The following WWOX variants were observed in gnomAD, a reference collection of about 807,000 sequenced individuals.
The protein encoded by WWOX is WW domain containing oxidoreductase.
Under a neutral mutation model 46.2 loss-of-function variants are expected in WWOX, and 69 were observed. The ratio of observed to expected loss-of-function variants is 1.49; its 90% confidence interval spans 1.23 to 1.82. The LOEUF is 1.82. Among genes scored for constraint, WWOX ranks in the 40% most tolerant of loss-of-function variants. WWOX has a pLI of 0.00. For synonymous variants in WWOX, 359 were observed against 202.6 expected (o/e 1.77, Z -6.56); for missense variants, 919 against 542.6 (o/e 1.69, Z -6.89).
rs1462532901 is a variant in WWOX, at chr16:78,374,625, T to C, written c.517-12235T>C. The stretch of plus-strand genomic sequence containing the variant: ...GTGCAGTGGCGCGATCTTGGCTCAC[T>C]GCAAGCTCCGCCTCCTCGGTTCATG... On this transcript the variant is annotated intron_variant, in intron 5 of 8. Transcript: ENST00000566780. Among the ~76,000 whole-genome samples, 5 of 144,444 alleles carry C rather than the reference T, an allele frequency of 3.5e-5. No homozygotes were observed. The East Asian group carries it at 1.1e-3, about 31-fold the overall frequency. 94.8% of individuals were successfully genotyped at this position (144,444 alleles called of 152,430 possible).
intron 8 of WWOX, among the ~76,000 whole-genome samples, chr16:78,821,586 T>C (rs1255424460): frequency 6.6e-6 from 1 of 152,216 alleles, no homozygotes; most frequent in African/African-American, 2.4e-5. Flanking sequence ...AGATGACCTG[T>C]GGTATTTTTA....
In WWOX at chr16:79,148,130, A is replaced by C. The variant is rs1013319260; in HGVS notation, c.1057-63478A>C. On this transcript the variant is annotated intron_variant, in intron 8 of 8. Coordinates refer to ENST00000566780, the MANE Select transcript of WWOX (RefSeq NM_016373.4). Reference sequence around the variant, plus strand: ...TTCATCAACTGAGCTTTTGTTGCCAAATCTAATAATTCTTTGGGTAACCAT... The same window carrying C: ...TTCATCAACTGAGCTTTTGTTGCCACATCTAATAATTCTTTGGGTAACCAT... 2.0e-5 allele frequency among the ~76,000 whole-genome samples: 3 copies of C among 152,318 alleles called. No homozygotes were observed. In the East Asian group the frequency reaches 5.8e-4, roughly 29 times the overall value.
chr16:78,362,427 T>C (rs942183597), intron 5 of WWOX, among the ~76,000 whole-genome samples: 8 of 152,120 alleles, frequency 5.3e-5, no homozygotes, highest in African/African-American at 1.4e-4. Context: ...CTCACCAACA[T>C]GGTGAAACCC....
chr16:78,881,571 G>C (rs947526528), intron 8 of WWOX, among the ~76,000 whole-genome samples: 8 of 152,170 alleles, frequency 5.3e-5, no homozygotes, highest in African/African-American at 1.9e-4. Flanking sequence ...GGCAATTGCT[G>C]TCTAGCTTTA....
chr16:78,771,711 G>T (rs1246051697), intron 8 of WWOX, among the ~76,000 whole-genome samples: 1 of 152,056 alleles, frequency 6.6e-6, no homozygotes, highest in East Asian at 1.9e-4. Context: ...GGTGGAGGTT[G>T]CAGTGAGCCA....
chr16:78,829,231 G>A (rs1379878316), intron 8 of WWOX, among the ~76,000 whole-genome samples: 1 of 152,200 alleles, frequency 6.6e-6, no homozygotes, highest in Non-Finnish European at 1.5e-5. Flanking sequence ...TGGAAGCCCA[G>A]AAGTCCCAAG....
intron 4 of WWOX, among the ~76,000 whole-genome samples, chr16:78,142,650 C>G (rs959255303): frequency 6.6e-6 from 1 of 152,124 alleles, no homozygotes; most frequent in Admixed American, 6.5e-5. Context: ...AAATCGTTTT[C>G]CTTGATATAC....
intron 8 of WWOX, among the ~76,000 whole-genome samples, chr16:78,796,627 G>A (rs917936839): frequency 6.6e-6 from 1 of 152,150 alleles, no homozygotes; most frequent in African/African-American, 2.4e-5. Context: ...GTTTTATTTT[G>A]CCTTTTGGAA....
At chr16:78,853,245 C>G (rs1263660187) in intron 8 of WWOX, among the ~76,000 whole-genome samples, 3 of 151,970 alleles carry the variant, frequency 2.0e-5, no homozygotes, top group South Asian at 2.1e-4. Context: ...TTTTCTGAGA[C>G]AGTCTTGATC....
intron 8 of WWOX, among the ~76,000 whole-genome samples, chr16:78,830,393 G>A (rs2051785598): frequency 6.6e-6 from 1 of 151,930 alleles, no homozygotes; most frequent in African/African-American, 2.4e-5. Context: ...TATGGCTGGG[G>A]GTTTTTCTCA....
chr16:78,191,143 C>T (rs578078877), intron 5 of WWOX, among the ~76,000 whole-genome samples: 111 of 152,272 alleles, frequency 7.3e-4, no homozygotes, highest in Non-Finnish European at 1.0e-3. Context: ...CCAGCTGGAC[C>T]GCTAGACCAC....
intron 8 of WWOX, among the ~76,000 whole-genome samples, chr16:78,642,845 A>G (rs938518191): frequency 1.8e-4 from 27 of 152,194 alleles, no homozygotes; most frequent in African/African-American, 6.5e-4. Context: ...GGATTAGGCA[A>G]TACTTTAATA....
intron 8 of WWOX, among the ~76,000 whole-genome samples, chr16:79,147,384 G>T (rs563171609): frequency 6.6e-6 from 1 of 152,044 alleles, no homozygotes; most frequent in Admixed American, 6.6e-5. Context: ...TTTTTCACTC[G>T]GTACAATTCC....
At chr16:79,106,932 C>G (rs1190878037) in intron 8 of WWOX, among the ~76,000 whole-genome samples, 1 of 150,966 alleles carries the variant, frequency 6.6e-6, no homozygotes, top group Non-Finnish European at 1.5e-5. Flanking sequence ...CTCAGCCTCT[C>G]GAGTAGCTGG....
chr16:78,112,105 C>G (rs1234670218), intron 3 of WWOX: 5 of 152,232 alleles, frequency 3.3e-5, no homozygotes, highest in African/African-American at 9.7e-5. Context: ...ATTACAATCC[C>G]TCGTCTCTGC....
chr16:78,644,129 G>A (rs1183119561), intron 8 of WWOX, among the ~76,000 whole-genome samples: 1 of 152,124 alleles, frequency 6.6e-6, no homozygotes, highest in Non-Finnish European at 1.5e-5. Flanking sequence ...GGCTGAGGCG[G>A]GAGAATCATT....
chr16:78,256,780 C>T (rs1186172495), intron 5 of WWOX, among the ~76,000 whole-genome samples: 4 of 152,158 alleles, frequency 2.6e-5, no homozygotes, highest in East Asian at 1.9e-4. Context: ...AGTAGATTGC[C>T]TCAGACGCCC....
chr16:79,019,461 A>C (rs1455912955), intron 8 of WWOX, among the ~76,000 whole-genome samples: 1 of 152,136 alleles, frequency 6.6e-6, no homozygotes, highest in Non-Finnish European at 1.5e-5. Flanking sequence ...ATCTAAACAT[A>C]GAAATAGTAC....
At chr16:78,677,068 A>G in intron 8 of WWOX, among the ~76,000 whole-genome samples, 1 of 151,268 alleles carries the variant, frequency 6.6e-6, no homozygotes. Flanking sequence ...TTTTTTTTTT[A>G]ATGAACCATG....
Sources: gnomAD v4.1 joint callset for allele counts (sites outside exome capture counted in the v4.1 genomes callset) on GRCh38, gnomAD v4.1.1 for gene constraint, MANE v1.5 for transcripts, NCBI Gene and HGNC (gene_info 2026-07-23, HGNC 2026-07-21) for gene names.